NELFB: variants seen among roughly 807,000 people sequenced by gnomAD.
The protein encoded by NELFB is negative elongation factor complex member B, also known as negative elongation factor B.
NELFB carries 34 observed loss-of-function variants against 60.2 expected under a neutral mutation model. The ratio of observed to expected loss-of-function variants is 0.56; its 90% CI spans 0.43 to 0.75. NELFB has a LOEUF of 0.75. NELFB is among the 30% of genes least tolerant of loss of function. The pLI is 0.00. For synonymous variants in NELFB, 459 were observed against 382.1 expected, an observed-to-expected ratio of 1.20 and a Z score of -2.35; for missense variants, 770 against 831.6, an observed-to-expected ratio of 0.93 and a Z score of 0.91.
chr9:137,269,363 T>G lies in NELFB; in HGVS notation c.1489+2017T>G, dbSNP rs1032547525. Among the ~76,000 whole-genome samples the G allele has an allele frequency of 6.6e-6, 1 of 152,080 alleles. No individual in the cohort carries two copies. The highest frequency in any genetic ancestry group is 1.5e-5 in the Non-Finnish European group (1 of 68,014). On this transcript the variant is annotated intron_variant, in intron 10 of 12. Transcript: ENST00000343053. The surrounding 1 kb of genome is among the most constrained non-coding windows in gnomAD (Gnocchi z 5.3). Reference sequence around the variant, plus strand: ...GCTCCTTCTGGAGGCTCAGGGAGGCTCTTGAGGGCATTGGGACATCGTGCT... The same window carrying G: ...GCTCCTTCTGGAGGCTCAGGGAGGCGCTTGAGGGCATTGGGACATCGTGCT...
intron 11 of NELFB, 57 bp from the exon 12 acceptor site, chr9:137,272,450 G>A: frequency 1.3e-6 from 2 of 1,545,840 alleles, no homozygotes; most frequent in Non-Finnish European, 1.8e-6. Context: ...ATCTGGGCTG[G>A]GCCTGGGCAG....
chr9:137,255,473 T>A lies in NELFB; in HGVS notation c.108T>A (p.Asp36Glu). 4.0e-6 allele frequency: 6 copies of A among 1,512,562 alleles called. No individual in the cohort carries two copies. The highest frequency in any genetic ancestry group is 1.4e-5 in the African/African-American group (1 of 69,236). The allele number at this position is 1,512,562 out of a possible 1,614,324, so 93.7% of individuals were successfully genotyped here. ...CGGCGCCGGGGGAACGGGCTGGGGA[T>A]GGGGCGCCTAGCCGGGCGGTGGCCG... The change falls in exon 1 of 13, where the codon GAT (aspartate) becomes GAA (glutamate). Residue 36 changes from aspartate to glutamate, a missense_variant. Physicochemically the swap from Asp to Glu is conservative, Grantham distance 45. Transcript: ENST00000343053.
In NELFB at chr9:137,264,302, C is replaced by A; in HGVS notation, c.985C>A (p.Arg329=). ...GCGGTTCGTGGACAGCAAGAGGGCG[C>A]GGGAGCTGCAGGGGTTTCTCGATGG... is the stretch of plus-strand genomic sequence containing the variant. Residue 329 remains arginine (R), a synonymous_variant, in exon 6 of 13, where the codon CGG becomes AGG. Coordinates refer to ENST00000343053, the MANE Select transcript of NELFB (RefSeq NM_015456.5). 6.2e-7 allele frequency: 1 copy of A among 1,604,698 alleles called. No homozygotes were observed. Among genetic ancestry groups the A allele is most frequent in the Admixed American group, 1.7e-5 (1 of 58,534 alleles).
At chr9:137,258,945 T>C (rs949755828) in intron 4 of NELFB, among the ~76,000 whole-genome samples, 3 of 152,222 alleles carry the variant, frequency 2.0e-5, no homozygotes, top group African/African-American at 7.2e-5. Context: ...GGCTCACGCC[T>C]GTACTCCTAG....
At chr9:137,261,167 C>T (rs970556454) in intron 4 of NELFB, among the ~76,000 whole-genome samples, 3 of 149,854 alleles carry the variant, frequency 2.0e-5, no homozygotes, top group African/African-American at 4.9e-5. Context: ...ATGGTGAAAC[C>T]GCATCTACTA....
chr9:137,256,501 C>T (rs898305452), intron 3 of NELFB, 73 bp downstream of exon 3: 5 of 1,358,038 alleles, frequency 3.7e-6, no homozygotes, highest in African/African-American at 2.9e-5. Flanking sequence ...GTGGAAGTTC[C>T]GGTGGCCGCC....
chr9:137,273,052 C>A lies in NELFB; in HGVS notation c.*124C>A. The A allele has an allele frequency of 1.7e-6, 2 of 1,145,330 alleles. No homozygotes were observed. The highest frequency in any genetic ancestry group is 2.4e-6 in the Non-Finnish European group (2 of 844,376). The allele number at this position is 1,145,330 out of a possible 1,614,324, so 70.9% of individuals were successfully genotyped here. A position where few individuals can be genotyped will look rare whatever the true frequency, so the allele number is the denominator to read the frequency against. On this transcript the variant is annotated 3_prime_UTR_variant, in exon 13 of 13. Transcript: ENST00000343053. ...TTCCCGGGGCTATGGCTGGGCCTGTCCTGCCGTCATGGCCCCCTGCTTCCT... is the reference window on the plus strand; with the variant it reads ...TTCCCGGGGCTATGGCTGGGCCTGTACTGCCGTCATGGCCCCCTGCTTCCT...
At chr9:137,260,280 G>A (rs1588185320) in intron 4 of NELFB, among the ~76,000 whole-genome samples, 1 of 150,782 alleles carries the variant, frequency 6.6e-6, no homozygotes, top group Admixed American at 6.6e-5. Context: ...TCGATCTCCT[G>A]ACCTCATGAT....
In NELFB at chr9:137,263,102, T is replaced by TCTGCGCACGCTCTTC. The variant is rs778742418; in HGVS notation, c.818_832dup (p.Leu273_Thr277dup). ...AGCTGTACGACATGGTGCTGCAGTTTCTGCGCACGCTCTTCCTGCGCACGC... is the reference window on the plus strand; with the variant it reads ...AGCTGTACGACATGGTGCTGCAGTTTCTGCGCACGCTCTTCCTGCGCACGCTCTTCCTGCGCACGC... On this transcript the variant is annotated inframe_insertion, in exon 5 of 13. Transcript: ENST00000343053. The TCTGCGCACGCTCTTC allele has an allele frequency of 1.2e-6, 2 of 1,613,956 alleles. No homozygotes were observed. Among genetic ancestry groups the TCTGCGCACGCTCTTC allele is most frequent in the Admixed American group, 1.7e-5 (1 of 59,990 alleles).
chr9:137,263,536 C>G (rs951896705), intron 5 of NELFB, among the ~76,000 whole-genome samples: 4 of 149,294 alleles, frequency 2.7e-5, no homozygotes, highest in African/African-American at 9.9e-5. Flanking sequence ...CCTGGCTCCT[C>G]TCCTCTCCGT....
At position 137,256,294 on chromosome 9, in the gene NELFB, C is replaced by T. The variant is rs1236602412; in HGVS notation, c.411-35C>T. 6 of 1,581,882 alleles carry T rather than the reference C, an allele frequency of 3.8e-6. No homozygotes were observed. In the African/African-American group the frequency reaches 6.7e-5, roughly 18 times the overall value. ...GGCAGGTAGCTGCTGCGATTTGGCG[C>T]ATCGCTGCACCATCAATCCTGTGAG... On this transcript the variant is annotated intron_variant, in intron 2 of 12. Transcript: ENST00000343053.
chr9:137,259,237 G>A (rs909043695), intron 4 of NELFB, among the ~76,000 whole-genome samples: 3 of 152,082 alleles, frequency 2.0e-5, no homozygotes, highest in Non-Finnish European at 4.4e-5. Context: ...TTTGCGGGAG[G>A]ATCACTAAGA....
At chr9:137,263,961 C>T (rs549295758) in intron 5 of NELFB, among the ~76,000 whole-genome samples, 1 of 152,318 alleles carries the variant, frequency 6.6e-6, no homozygotes, top group African/African-American at 2.4e-5. Context: ...CCGAGGCTTC[C>T]ATTGCTTGGA....
chr9:137,259,091 T>G (rs1001556188), intron 4 of NELFB, among the ~76,000 whole-genome samples: 2 of 152,162 alleles, frequency 1.3e-5, no homozygotes, highest in African/African-American at 4.8e-5. Context: ...CTCAGGAGGC[T>G]GAAGCAGGAG....
rs1422245014 is a variant in NELFB, at chr9:137,255,470, G to T, written c.105G>T (p.Gly35=). 4 of 1,513,186 alleles carry T rather than the reference G, an allele frequency of 2.6e-6. No individual in the cohort carries two copies. Among genetic ancestry groups the T allele is most frequent in the Non-Finnish European group, 3.5e-6 (4 of 1,129,696 alleles). The allele number at this position is 1,513,186 out of a possible 1,614,324, so 93.7% of individuals were successfully genotyped here. A position where few individuals can be genotyped will look rare whatever the true frequency, so the allele number is the denominator to read the frequency against. Residue 35 remains glycine (G), a synonymous_variant, in exon 1 of 13, where the codon GGG becomes GGT. Transcript: ENST00000343053. ...CGGCGGCGCCGGGGGAACGGGCTGG[G>T]GATGGGGCGCCTAGCCGGGCGGTGG... is the stretch of plus-strand genomic sequence containing the variant.
At chr9:137,266,191 G>C in intron 7 of NELFB, 140 bp from the exon 8 acceptor site, 1 of 792,208 alleles carries the variant, frequency 1.3e-6, no homozygotes, top group Non-Finnish European at 2.0e-6. Flanking sequence ...GTTTCACCCC[G>C]TGTGTGGGGC....
At chr9:137,267,206 G>C in intron 9 of NELFB, 34 bp from the exon 10 acceptor site, 1 of 1,512,388 alleles carries the variant, frequency 6.6e-7, no homozygotes, top group Admixed American at 1.7e-5. Flanking sequence ...GCTGAGGTGG[G>C]GCTGAGGTGG....
chr9:137,258,677 A>G (rs965767523), intron 4 of NELFB, among the ~76,000 whole-genome samples: 2 of 151,328 alleles, frequency 1.3e-5, no homozygotes, highest in Admixed American at 6.6e-5. Context: ...CTGGTCTTGA[A>G]CTCCTGACCT....
Position 137,272,995 on chromosome 9 carries a change from C to A in NELFB, c.*67C>A. ...CGCGGCCCTGCTCAGCCGGAAGAGGCTCCCGGACCTGGATGTACAGGGCAG... is the reference window on the plus strand; with the variant it reads ...CGCGGCCCTGCTCAGCCGGAAGAGGATCCCGGACCTGGATGTACAGGGCAG... On this transcript the variant is annotated 3_prime_UTR_variant, in exon 13 of 13. Transcript: ENST00000343053. The A allele has an allele frequency of 2.8e-6, 4 of 1,433,476 alleles. No homozygotes were observed. In the South Asian group the frequency reaches 4.4e-5, roughly 16 times the overall value. The allele number at this position is 1,433,476 out of a possible 1,614,324, so 88.8% of individuals were successfully genotyped here. A position where few individuals can be genotyped will look rare whatever the true frequency, so the allele number is the denominator to read the frequency against.
Sources: allele counts gnomAD v4.1 joint callset (sites outside exome capture counted in the v4.1 genomes callset), GRCh38; gene constraint gnomAD v4.1.1; non-coding constraint Gnocchi (gnomAD v3.1); transcripts MANE v1.5; gene names NCBI Gene and HGNC (gene_info 2026-07-23, HGNC 2026-07-21).